The following ZNF341 variants were observed in gnomAD, a reference collection of about 807,000 sequenced individuals.
ZNF341 encodes the protein zinc finger protein 341.
Under a neutral mutation model 87.7 loss-of-function variants are expected in ZNF341, and 52 were observed. That is an observed-to-expected ratio of 0.59 (90% CI 0.47 to 0.75). ZNF341 has a LOEUF of 0.75. Ranked by LOEUF, ZNF341 falls within the 30% of genes least tolerant of loss-of-function variation. The pLI, the probability that ZNF341 is intolerant of heterozygous loss-of-function variation, is 0.00. For missense variants in ZNF341, 977 were observed against 1,145.9 expected (o/e 0.85, Z 2.13); for synonymous variants, 459 against 472.7 (o/e 0.97, Z 0.38).
intron 11 of ZNF341, among the ~76,000 whole-genome samples, chr20:33,782,724 G>A (rs575071385): frequency 1.4e-4 from 22 of 152,310 alleles, no homozygotes; most frequent in Non-Finnish European, 2.4e-4. Context: ...GGGCTAATAA[G>A]CAGTGGGGCA....
chr20:33,743,660 AT>A (rs1308950644), intron 2 of ZNF341, among the ~76,000 whole-genome samples: 2 of 152,196 alleles, frequency 1.3e-5, no homozygotes, highest in Admixed American at 6.6e-5. Context: ...TCTTAAAAAA[AT>A]AAATAAATAA....
At chr20:33,788,357 T>C (rs2019917176) in intron 12 of ZNF341, 1 of 173,184 alleles carries the variant, frequency 5.8e-6, no homozygotes, top group Non-Finnish European at 1.2e-5. Flanking sequence ...AGGCAGAGGT[T>C]GCAGTGACTC....
intron 4 of ZNF341, among the ~76,000 whole-genome samples, 184 bp downstream of exon 4, chr20:33,749,256 C>T (rs770796776): frequency 6.6e-6 from 1 of 152,188 alleles, no homozygotes; most frequent in African/African-American, 2.4e-5. Context: ...TAGGTGGGGA[C>T]CCAGAACATG....
rs1192861442 is a variant in ZNF341, at chr20:33,783,822, C to T, written c.1810C>T (p.Arg604Trp). ...FKCQVCKKFFRREHYLKLHAH... is the reference protein window; with the variant it reads ...FKCQVCKKFFWREHYLKLHAH... ...GTGCCAAGTGTGCAAGAAGTTCTTCCGGCGGGAGCATTATCTCAAACTGCA... is the reference window on the plus strand; with the variant it reads ...GTGCCAAGTGTGCAAGAAGTTCTTCTGGCGGGAGCATTATCTCAAACTGCA... The change falls in exon 12 of 15, where the codon CGG (arginine) becomes TGG (tryptophan). Residue 604 changes from arginine to tryptophan, a missense_variant. This residue lies in a region of ZNF341 where 241 missense variants were observed against 335.0 expected (regional missense o/e 0.72). Transcript: ENST00000375200. 9 of 1,613,544 alleles carry T rather than the reference C, an allele frequency of 5.6e-6. No homozygotes were observed. Among genetic ancestry groups the T allele is most frequent in the South Asian group, 1.1e-5 (1 of 91,078 alleles).
intron 9 of ZNF341, among the ~76,000 whole-genome samples, chr20:33,769,303 G>A (rs886532334): frequency 4.2e-5 from 6 of 144,236 alleles, no homozygotes; most frequent in East Asian, 4.5e-4. Context: ...AGGATTTCTC[G>A]TTAGTGATGC....
chr20:33,784,063 C>G, intron 12 of ZNF341, among the ~76,000 whole-genome samples, 199 bp downstream of exon 12: 1 of 129,104 alleles, frequency 7.7e-6, no homozygotes, highest in South Asian at 3.0e-4. Flanking sequence ...TCTCCCTCCT[C>G]CTCCCCATCT....
At chr20:33,750,604 C>T (rs538202433) in intron 4 of ZNF341, among the ~76,000 whole-genome samples, 1 of 151,832 alleles carries the variant, frequency 6.6e-6, no homozygotes, top group Non-Finnish European at 1.5e-5. Flanking sequence ...GCTGGGACTA[C>T]ATACATGGTG....
intron 4 of ZNF341, among the ~76,000 whole-genome samples, chr20:33,749,693 A>G (rs2019014351): frequency 6.7e-6 from 1 of 150,184 alleles, no homozygotes; most frequent in African/African-American, 2.5e-5. Flanking sequence ...TGGCCTCCCA[A>G]AGTGCTGGGA....
chr20:33,757,425 GGTT>G, intron 6 of ZNF341, 82 bp downstream of exon 6: 1 of 1,241,414 alleles, frequency 8.1e-7, no homozygotes, highest in African/African-American at 1.6e-5. Flanking sequence ...TCCCTTTTAT[GGTT>G]GTTCAAGTTT....
At position 33,772,010 on chromosome 20, in the gene ZNF341, TA is replaced by T. The variant is rs57345366; in HGVS notation, c.1622+1743del. Among the ~76,000 whole-genome samples, 274 of 56,146 alleles carry T rather than the reference TA, an allele frequency of 4.9e-3. 3 individuals are homozygous for T. The highest frequency in any genetic ancestry group is 8.5e-3 in the African/African-American group (110 of 12,902). 36.8% of individuals were successfully genotyped at this position (56,146 alleles called of 152,430 possible). A position where few individuals can be genotyped will look rare whatever the true frequency, so the allele number is the denominator to read the frequency against. ...GCCTGAGCGACAGAGACGCTTGTCT[TA>T]AAAAAAAAAAAAAAAAAAAAAAAAG... is the stretch of plus-strand genomic sequence containing the variant. On this transcript the variant is annotated intron_variant, in intron 10 of 14. Coordinates refer to ENST00000375200, the MANE Select transcript of ZNF341 (RefSeq NM_001282933.2).
rs1336402587 is a variant in ZNF341, at chr20:33,747,535, G to A, written c.340-1388G>A. Among the ~76,000 whole-genome samples the A allele has an allele frequency of 2.9e-3, 385 of 134,746 alleles. 1 individual carries two copies. The highest frequency in any genetic ancestry group is 4.2e-3 in the Non-Finnish European group (273 of 65,626). The allele number at this position is 134,746 out of a possible 152,430, so 88.4% of individuals were successfully genotyped here. ...GAGGCTGAGGCAGGAGAATGGCGTG[G>A]ACCCGGGAGGCGGAGCTTGCAGTGA... On this transcript the variant is annotated intron_variant, in intron 3 of 14. Transcript: ENST00000375200.
chr20:33,744,783 G>T (rs1392812876), intron 2 of ZNF341, among the ~76,000 whole-genome samples: 1 of 152,048 alleles, frequency 6.6e-6, no homozygotes, highest in Non-Finnish European at 1.5e-5. Context: ...GTGGAGATGG[G>T]GTTTCGCCAT....
chr20:33,747,000 G>T (rs2018940883), intron 3 of ZNF341, among the ~76,000 whole-genome samples: 1 of 152,108 alleles, frequency 6.6e-6, no homozygotes, highest in Non-Finnish European at 1.5e-5. Context: ...AGATTTCCAA[G>T]TCCGGAGGCC....
In ZNF341 at chr20:33,771,101, G is replaced by A. The variant is rs183225495; in HGVS notation, c.1622+809G>A. ...CGTGTCACTGCACTCCAGCCTGGGC[G>A]ACAGAGCAACACTCCGTCTCAAAAA... On this transcript the variant is annotated intron_variant, in intron 10 of 14. Transcript: ENST00000375200. 6.8e-4 allele frequency among the ~76,000 whole-genome samples: 104 copies of A among 152,048 alleles called. 1 individual carries two copies. The East Asian group carries it at 0.016, about 23-fold the overall frequency.
At chr20:33,786,086 C>T (rs1423550888) in intron 12 of ZNF341, among the ~76,000 whole-genome samples, 2 of 138,972 alleles carry the variant, frequency 1.4e-5, no homozygotes, top group Admixed American at 1.6e-4. Flanking sequence ...TCACTGCAAC[C>T]TCTGCCGCCT....
In ZNF341 at chr20:33,791,465, A is replaced by C. The variant is rs1405499727; in HGVS notation, c.2513A>C (p.Glu838Ala). The C allele has an allele frequency of 6.2e-7, 1 of 1,601,004 alleles. No individual in the cohort carries two copies. Among genetic ancestry groups the C allele is most frequent in the Non-Finnish European group, 8.5e-7 (1 of 1,176,792 alleles). ...CTGGCGGAGCTGCAGGCTGGGGCCG[A>C]GGGCCCATGTGCCATGCTCGCTGTG... is the stretch of plus-strand genomic sequence containing the variant. ...LALAELQAGAEGPCAMLAVPV... is the reference protein window; with the variant it reads ...LALAELQAGAAGPCAMLAVPV... Residue 838 changes from glutamate (E) to alanine (A), a missense_variant, in exon 15 of 15, where the codon GAG becomes GCG. Physicochemically the swap from Glu to Ala is moderately radical, Grantham distance 107. Coordinates refer to ENST00000375200, the MANE Select transcript of ZNF341 (RefSeq NM_001282933.2).
In ZNF341 at chr20:33,762,036, G is replaced by A. The variant is rs1377598465; in HGVS notation, c.1203G>A (p.Gln401=). The A allele has an allele frequency of 1.1e-5, 17 of 1,564,972 alleles. No homozygotes were observed. The highest frequency in any genetic ancestry group is 1.5e-5 in the Non-Finnish European group (17 of 1,144,574). The change falls in exon 8 of 15, where the codon CAG becomes CAA. Residue 401 remains glutamine, a synonymous_variant. Coordinates refer to ENST00000375200, the MANE Select transcript of ZNF341 (RefSeq NM_001282933.2). ...TCATGGCCCTGAACCCCAGCAGGCAGGAGGACGAGGAAAGCACAGGTGGGT... is the reference window on the plus strand; with the variant it reads ...TCATGGCCCTGAACCCCAGCAGGCAAGAGGACGAGGAAAGCACAGGTGGGT... The part of the protein sequence containing the change: ...VQVMALNPSR[Q]EDEESTGLGQ...
intron 10 of ZNF341, 51 bp downstream of exon 10, chr20:33,770,343 G>GGGGGGGGGGCTGGC: frequency 2.0e-6 from 1 of 511,250 alleles, no homozygotes; most frequent in East Asian, 5.9e-5. Context: ...GGTGGGCAGG[G>GGGGGGGGGGCTGGC]AGCCCAGGGC....
At chr20:33,754,481 A>G (rs915022072) in intron 5 of ZNF341, among the ~76,000 whole-genome samples, 2 of 152,234 alleles carry the variant, frequency 1.3e-5, no homozygotes, top group Non-Finnish European at 2.9e-5. Flanking sequence ...AGCCCAGACC[A>G]GTGGGAAGAT....
Sources: gnomAD v4.1 joint callset for allele counts (sites outside exome capture counted in the v4.1 genomes callset) on GRCh38, gnomAD v4.1.1 for gene constraint, gnomAD v4.1.1 regional missense constraint, MANE v1.5 for transcripts, NCBI Gene and HGNC (gene_info 2026-07-23, HGNC 2026-07-21) for gene names.